The following ABCC6 variants were observed in gnomAD, a reference collection of about 807,000 sequenced individuals.
The protein encoded by ABCC6 is ATP binding cassette subfamily C member 6.
Under a neutral mutation model 169.5 loss-of-function variants are expected in ABCC6, and 126 were observed. The observed-to-expected ratio is 0.74, with a 90% CI of 0.64 to 0.86. The LOEUF (loss-of-function observed/expected upper bound fraction) is 0.86, where lower values mean the gene tolerates loss of function less well. Ranked by LOEUF, ABCC6 falls within the 40% of genes least tolerant of loss-of-function variation. The pLI, the probability that ABCC6 is intolerant of heterozygous loss-of-function variation, is 0.00. For synonymous variants in ABCC6, 752 were observed against 814.7 expected, an observed-to-expected ratio of 0.92 and a Z score of 1.31; for missense variants, 1,733 against 1,927.2, an observed-to-expected ratio of 0.90 and a Z score of 1.89.
At chr16:16,178,771 C>T (rs1467452108) in intron 18 of ABCC6, 27 bp downstream of exon 18, 1 of 1,613,656 alleles carries the variant, frequency 6.2e-7, no homozygotes, top group East Asian at 2.2e-5. Context: ...TTGCCCTGTA[C>T]TGTCTGACAC....
chr16:16,151,353 G>A (rs759658641), intron 29 of ABCC6, among the ~76,000 whole-genome samples: 14 of 152,174 alleles, frequency 9.2e-5, no homozygotes, highest in South Asian at 8.3e-4. Flanking sequence ...ACTGCGCCCC[G>A]GTAGTTCTAT....
intron 29 of ABCC6, 131 bp from the exon 30 acceptor site, chr16:16,150,903 G>C: frequency 1.3e-6 from 2 of 1,507,996 alleles, no homozygotes; most frequent in Non-Finnish European, 1.8e-6. Context: ...CCCACACATG[G>C]GGTCTGGGGT....
chr16:16,191,921 G>A (rs2047874186), intron 11 of ABCC6, among the ~76,000 whole-genome samples: 1 of 152,200 alleles, frequency 6.6e-6, no homozygotes, highest in Admixed American at 6.5e-5. Context: ...GGCCTGTGCT[G>A]TTGCAAAGCT....
At chr16:16,174,764 C>CCCCCCG (rs1555511641) in intron 20 of ABCC6, among the ~76,000 whole-genome samples, 1 of 122,108 alleles carries the variant, frequency 8.2e-6, no homozygotes, top group South Asian at 4.3e-4. Context: ...CTCAAAACCC[C>CCCCCCG]CCCCCGCAAA....
intron 9 of ABCC6, 121 bp from the exon 10 acceptor site, chr16:16,198,303 T>C: frequency 9.3e-7 from 1 of 1,076,746 alleles, no homozygotes; most frequent in Non-Finnish European, 1.3e-6. Flanking sequence ...GAGTAAAGTC[T>C]CTTAGGCCAA....
rs199786977 is a variant in ABCC6 at position 16,159,473 on chromosome 16, G to A, written c.3735+9C>T. 85 of 1,603,426 alleles carry A rather than the reference G, an allele frequency of 5.3e-5. No individual in the cohort carries two copies. The East Asian group carries it at 7.2e-4, about 14-fold the overall frequency. On this transcript the variant is annotated intron_variant, in intron 26 of 30. Coordinates refer to ENST00000205557, the MANE Select transcript of ABCC6 (RefSeq NM_001171.6). ...TGCTGGGACCCCCTCCCCACCTCCC[G>A]CCCATCACCTCCTTGGGCGTCCAGG...
intron 19 of ABCC6, among the ~76,000 whole-genome samples, 177 bp from the exon 20 acceptor site, chr16:16,176,163 C>G (rs2047272458): frequency 6.6e-6 from 1 of 152,196 alleles, no homozygotes; most frequent in Non-Finnish European, 1.5e-5. Flanking sequence ...ATCCTTCAGG[C>G]ATTCACTCAC....
intron 10 of ABCC6, among the ~76,000 whole-genome samples, chr16:16,194,605 C>G (rs923122840): frequency 6.6e-6 from 1 of 152,228 alleles, no homozygotes; most frequent in Non-Finnish European, 1.5e-5. Flanking sequence ...TGGACCCATT[C>G]TCTTGACAAG....
At chr16:16,183,521 G>A (rs965645434) in intron 15 of ABCC6, among the ~76,000 whole-genome samples, 1 of 152,128 alleles carries the variant, frequency 6.6e-6, no homozygotes, top group African/African-American at 2.4e-5. Context: ...ATTTCACTCA[G>A]GGTCAAAGCT....
intron 24 of ABCC6, among the ~76,000 whole-genome samples, chr16:16,162,158 T>C (rs543272252): frequency 3.3e-5 from 5 of 152,174 alleles, no homozygotes; most frequent in African/African-American, 1.2e-4. Flanking sequence ...TAAACCTTCC[T>C]TTCTTTATAA....
intron 23 of ABCC6, among the ~76,000 whole-genome samples, chr16:16,163,588 C>CCG: frequency 6.6e-6 from 1 of 152,140 alleles, no homozygotes; most frequent in Admixed American, 6.6e-5. Context: ...TCATTTACGG[C>CCG]TGGTCAGTGG....
intron 7 of ABCC6, among the ~76,000 whole-genome samples, chr16:16,208,368 CTTGT>C (rs1173912729): frequency 1.5e-4 from 23 of 150,422 alleles, no homozygotes; most frequent in African/African-American, 3.4e-4. Flanking sequence ...TTGTTTTTGT[CTTGT>C]TTGTTTGTTT....
chr16:16,203,017 C>T (rs1318161460), intron 8 of ABCC6, among the ~76,000 whole-genome samples: 2 of 152,194 alleles, frequency 1.3e-5, no homozygotes, highest in African/African-American at 4.8e-5. Context: ...GCAGAGACAG[C>T]CATCCCAGTC....
intron 10 of ABCC6, 89 bp from the exon 11 acceptor site, chr16:16,193,011 G>A (rs543074767): frequency 4.0e-4 from 450 of 1,120,522 alleles, no homozygotes; most frequent in Non-Finnish European, 5.5e-4. Flanking sequence ...TCTTGAATAG[G>A]GACTGGGTAA....
At position 16,199,581 on chromosome 16, in the gene ABCC6, C is replaced by G. The variant is rs896269506; in HGVS notation, c.1177-1399G>C. The stretch of plus-strand genomic sequence containing the variant: ...TCCAAATGCAGCCCTCCCTTTGTGA[C>G]TGCGTGAGGGTGTGAAGAAGTGATC... On this transcript the variant is annotated intron_variant, in intron 9 of 30. Transcript: ENST00000205557. 1.8e-4 allele frequency among the ~76,000 whole-genome samples: 23 copies of G among 126,746 alleles called. 3 individuals carry two copies. The highest frequency in any genetic ancestry group is 5.0e-4 in the African/African-American group (19 of 37,832). The allele number at this position is 126,746 out of a possible 152,430, so 83.2% of individuals were successfully genotyped here. A position where few individuals can be genotyped will look rare whatever the true frequency, so the allele number is the denominator to read the frequency against.
At chr16:16,214,498 T>C in intron 4 of ABCC6, 49 bp from the exon 5 acceptor site, 1 of 1,551,356 alleles carries the variant, frequency 6.4e-7, no homozygotes, top group Non-Finnish European at 8.7e-7. Context: ...AGGAGGGTGC[T>C]CAGAGGAGAG....
At chr16:16,205,601 G>T (rs1208703614) in intron 7 of ABCC6, among the ~76,000 whole-genome samples, 1 of 151,966 alleles carries the variant, frequency 6.6e-6, no homozygotes. Context: ...AAATATTTTG[G>T]CATTTGGATC....
rs1404770143 is a variant in ABCC6 at position 16,212,380 on chromosome 16, C to G, written c.601-134G>C. 2.3e-5 allele frequency: 15 copies of G among 648,200 alleles called. No homozygotes were observed. The Admixed American group carries it at 3.4e-4, about 15-fold the overall frequency. 40.2% of individuals were successfully genotyped at this position (648,200 alleles called of 1,614,324 possible). On this transcript the variant is annotated intron_variant, in intron 5 of 30. Coordinates refer to ENST00000205557, the MANE Select transcript of ABCC6 (RefSeq NM_001171.6). ...CCAGAGTACAGCGGTGTGATCTTGG[C>G]TCACTACTACCTCTGCCTCCTGGGT...
intron 22 of ABCC6, among the ~76,000 whole-genome samples, chr16:16,169,026 A>C (rs936572446): frequency 6.6e-6 from 1 of 152,178 alleles, no homozygotes; most frequent in Non-Finnish European, 1.5e-5. Context: ...GGTTGCAGTG[A>C]GCCGAGACGG....
Sources: gnomAD v4.1 joint callset for allele counts (sites outside exome capture counted in the v4.1 genomes callset) on GRCh38, gnomAD v4.1.1 for gene constraint, MANE v1.5 for transcripts, NCBI Gene and HGNC (gene_info 2026-07-23, HGNC 2026-07-21) for gene names.